Variants in PARD3B observed in about 807,000 individuals in gnomAD.
The protein encoded by PARD3B is partitioning defective 3 homolog B.
PARD3B carries 103 observed loss-of-function variants against 130.2 expected under a neutral mutation model. That is an observed-to-expected ratio of 0.79 (90% CI 0.67 to 0.93). The LOEUF (loss-of-function observed/expected upper bound fraction) is 0.93, where lower values mean the gene tolerates loss of function less well. PARD3B is among the 40% of genes least tolerant of loss of function. The probability of loss-of-function intolerance (pLI) is 0.00; values close to 1 mark genes in which losing one functional copy is unlikely to be tolerated. For missense variants in PARD3B, 1,609 were observed against 1,499.2 expected (o/e 1.07, Z -1.21); for synonymous variants, 583 against 553.2 (o/e 1.05, Z -0.76).
rs187281378 is a variant in PARD3B at position 204,822,926 on chromosome 2, A to G, written c.222+136644A>G. Among the ~76,000 whole-genome samples, 180 of 152,278 alleles carry G rather than the reference A, an allele frequency of 1.2e-3. 1 individual carries two copies. The highest frequency in any genetic ancestry group is 0.01 in the Admixed American group (154 of 15,280). On this transcript the variant is annotated intron_variant, in intron 2 of 22. Coordinates refer to ENST00000406610, the MANE Select transcript of PARD3B (RefSeq NM_001302769.2). ...TTGTTAAACTCTTCTCTTTAGCTTC[A>G]TCTGCTCTCTTTCTTGCTTTTGGGA...
intron 18 of PARD3B, among the ~76,000 whole-genome samples, chr2:205,343,311 A>G (rs545413846): frequency 2.6e-5 from 4 of 152,330 alleles, no homozygotes; most frequent in African/African-American, 9.6e-5. Context: ...AGCCAATAAC[A>G]TGTGCTCCGA....
intron 22 of PARD3B, among the ~76,000 whole-genome samples, chr2:205,615,180 G>A (rs1323853158): frequency 6.6e-6 from 1 of 152,168 alleles, no homozygotes; most frequent in Non-Finnish European, 1.5e-5. Flanking sequence ...CATGGCAACG[G>A]GGACCCAGGC....
At chr2:204,578,876 A>T (rs958835777) in intron 1 of PARD3B, among the ~76,000 whole-genome samples, 1 of 152,106 alleles carries the variant, frequency 6.6e-6, no homozygotes, top group African/African-American at 2.4e-5. Context: ...GATGAGAGTC[A>T]TTCAGCTAAT....
At chr2:204,609,287 G>A (rs558184003) in intron 1 of PARD3B, among the ~76,000 whole-genome samples, 3 of 152,012 alleles carry the variant, frequency 2.0e-5, no homozygotes, top group Non-Finnish European at 2.9e-5. Context: ...ATGGCATCTC[G>A]GAAGGATTAA....
At chr2:205,239,379 T>C (rs562173775) in intron 15 of PARD3B, among the ~76,000 whole-genome samples, 4 of 152,306 alleles carry the variant, frequency 2.6e-5, no homozygotes, top group Admixed American at 1.3e-4. Flanking sequence ...CTGAAGCATA[T>C]CTTTTTCTTA....
intron 10 of PARD3B, among the ~76,000 whole-genome samples, chr2:205,133,896 C>G (rs916894601): frequency 3.9e-5 from 6 of 152,218 alleles, no homozygotes; most frequent in African/African-American, 1.4e-4. Context: ...CTTGTAGATT[C>G]AGACACATAT....
At position 204,980,207 on chromosome 2, in the gene PARD3B, AG is replaced by A. The variant is rs546554146; in HGVS notation, c.394+14886del. Among the ~76,000 whole-genome samples the A allele has an allele frequency of 3.9e-5, 6 of 152,330 alleles. No individual in the cohort carries two copies. In the East Asian group the frequency reaches 1.2e-3, roughly 29 times the overall value. On this transcript the variant is annotated intron_variant, in intron 3 of 22. Coordinates refer to ENST00000406610, the MANE Select transcript of PARD3B (RefSeq NM_001302769.2). ...TAAAATGGCCAGTAGATTTATATAA[AG>A]GTGTTCAACTTCATCAATCGTGACA...
intron 15 of PARD3B, among the ~76,000 whole-genome samples, chr2:205,225,663 T>A (rs2038506019): frequency 6.6e-6 from 1 of 152,138 alleles, no homozygotes; most frequent in Non-Finnish European, 1.5e-5. Context: ...CTTACAATCA[T>A]GGCAGAAGGC....
At chr2:204,716,033 G>T (rs543423935) in intron 2 of PARD3B, among the ~76,000 whole-genome samples, 2 of 152,234 alleles carry the variant, frequency 1.3e-5, no homozygotes, top group East Asian at 3.9e-4. Flanking sequence ...TACGCATGCT[G>T]TTATTTGAAC....
chr2:205,051,674 C>G (rs1368385257), intron 4 of PARD3B, among the ~76,000 whole-genome samples: 1 of 152,128 alleles, frequency 6.6e-6, no homozygotes, highest in Non-Finnish European at 1.5e-5. Flanking sequence ...CACTTGTTTT[C>G]TAGCTGATTA....
At chr2:205,127,635 TC>T (rs1249853711) in intron 10 of PARD3B, among the ~76,000 whole-genome samples, 2 of 152,346 alleles carry the variant, frequency 1.3e-5, no homozygotes, top group African/African-American at 4.8e-5. Flanking sequence ...CATGGAATTT[TC>T]TTTCTCCCTT....
In PARD3B at chr2:205,176,936, G is replaced by A. The variant is rs565762686; in HGVS notation, c.1924+359G>A. Among the ~76,000 whole-genome samples, 19 of 152,282 alleles carry A rather than the reference G, an allele frequency of 1.2e-4. No individual in the cohort carries two copies. In the South Asian group the frequency reaches 2.7e-3, roughly 22 times the overall value. ...TAAATAACTACCAAAATTTAAAAAT[G>A]TATGGATTTATAATCCATAAAATGG... On this transcript the variant is annotated intron_variant, in intron 13 of 22. Transcript: ENST00000406610. The surrounding 1 kb of genome is among the most constrained non-coding windows in gnomAD (Gnocchi z 5.3).
intron 6 of PARD3B, among the ~76,000 whole-genome samples, chr2:205,114,420 A>G (rs899064930): frequency 6.6e-6 from 1 of 152,146 alleles, no homozygotes; most frequent in Admixed American, 6.5e-5. Context: ...TTTCACTAAC[A>G]TGACATGATT....
chr2:205,109,723 C>T (rs527871213), intron 5 of PARD3B, among the ~76,000 whole-genome samples: 2 of 148,272 alleles, frequency 1.3e-5, no homozygotes, highest in African/African-American at 5.0e-5. Flanking sequence ...GTGTGATCTC[C>T]GCTCACTGCA....
At chr2:205,099,485 T>C (rs1702605734) in intron 4 of PARD3B, among the ~76,000 whole-genome samples, 1 of 152,218 alleles carries the variant, frequency 6.6e-6, no homozygotes, top group Admixed American at 6.5e-5. Flanking sequence ...TATATTTTCA[T>C]TTTTAGACAT....
intron 10 of PARD3B, among the ~76,000 whole-genome samples, chr2:205,127,054 C>T (rs978660854): frequency 2.0e-5 from 3 of 151,746 alleles, no homozygotes; most frequent in South Asian, 4.1e-4. Flanking sequence ...AATCCCAGCA[C>T]TTTGGGAGGC....
chr2:204,567,781 AT>A lies in PARD3B; in HGVS notation c.120+21663del, dbSNP rs1317770167. 4.6e-5 allele frequency among the ~76,000 whole-genome samples: 7 copies of A among 152,124 alleles called. No homozygotes were observed. In the South Asian group the frequency reaches 6.2e-4, roughly 14 times the overall value. On this transcript the variant is annotated intron_variant, in intron 1 of 22. Coordinates refer to ENST00000406610, the MANE Select transcript of PARD3B (RefSeq NM_001302769.2). ...AATTCTATGTTTTATTTTTTGAGGAATCCCCCTACTGTCTTCCACAATGCTG... is the reference window on the plus strand; with the variant it reads ...AATTCTATGTTTTATTTTTTGAGGAACCCCCTACTGTCTTCCACAATGCTG...
intron 4 of PARD3B, among the ~76,000 whole-genome samples, chr2:205,075,796 C>CTCT (rs1701020292): frequency 6.6e-6 from 1 of 151,322 alleles, no homozygotes; most frequent in Non-Finnish European, 1.5e-5. Flanking sequence ...AAACTTTTTT[C>CTCT]ATAAACACAT....
intron 1 of PARD3B, among the ~76,000 whole-genome samples, chr2:204,628,392 C>A (rs2034560341): frequency 6.6e-6 from 1 of 151,846 alleles, no homozygotes. Context: ...AATATTTTTG[C>A]TAAAGCTGCT....
Sources: gnomAD v4.1 joint callset for allele counts (sites outside exome capture counted in the v4.1 genomes callset) on GRCh38, gnomAD v4.1.1 for gene constraint, Gnocchi (gnomAD v3.1) non-coding constraint, MANE v1.5 for transcripts, NCBI Gene and HGNC (gene_info 2026-07-23, HGNC 2026-07-21) for gene names.